Variants in TPM4 observed in about 807,000 individuals in gnomAD.
The protein encoded by TPM4 is tropomyosin alpha-4 chain.
A neutral mutation model predicts 35.8 loss-of-function variants in TPM4; 17 were observed. That is an observed-to-expected ratio of 0.47 (90% confidence interval 0.32 to 0.71). TPM4 has a LOEUF of 0.71. Ranked by LOEUF, TPM4 falls within the 30% of genes least tolerant of loss-of-function variation. The pLI is 0.03. For missense variants in TPM4, 240 were observed against 320.9 expected (o/e 0.75, Z 1.93); for synonymous variants, 120 against 122.9 (o/e 0.98, Z 0.15).
intron 2 of TPM4, among the ~76,000 whole-genome samples, chr19:16,068,500 C>G (rs1412194640): frequency 6.6e-6 from 1 of 151,550 alleles, no homozygotes. Flanking sequence ...GAGCAATTCT[C>G]TGTGTGTGTG....
upstream of TPM4, chr19:16,075,739 G>A: frequency 1.7e-5 from 5 of 288,634 alleles, no homozygotes; most frequent in South Asian, 1.8e-4. Context: ...ACTGGAATGT[G>A]TGTATTTCTG....
intron 7 of TPM4, among the ~76,000 whole-genome samples, chr19:16,096,936 C>CTTTTTTTCTTTTTTTTTTTTTTT (rs2090705707): frequency 2.9e-5 from 2 of 69,050 alleles, no homozygotes; most frequent in African/African-American, 1.1e-4. Flanking sequence ...CAAGGTCACT[C>CTTTTTTTCTTTTTTTTTTTTTTT]TTTTTTTTTT....
chr19:16,094,362 C>T (rs978895920), intron 7 of TPM4, among the ~76,000 whole-genome samples: 2 of 151,788 alleles, frequency 1.3e-5, no homozygotes, highest in Admixed American at 1.3e-4. Flanking sequence ...GGTGAAACCC[C>T]GTCTCTACCA....
intron 3 of TPM4, among the ~76,000 whole-genome samples, chr19:16,086,983 T>C (rs1395445610): frequency 2.0e-5 from 3 of 152,054 alleles, no homozygotes; most frequent in Non-Finnish European, 2.9e-5. Flanking sequence ...GCTCTTTCAG[T>C]TGAAGCGCCA....
At chr19:16,079,427 C>T (rs1441770624) in intron 1 of TPM4, among the ~76,000 whole-genome samples, 2 of 152,140 alleles carry the variant, frequency 1.3e-5, no homozygotes, top group African/African-American at 4.8e-5. Flanking sequence ...AAGATCTAGG[C>T]AATTAAAAAG....
intron 5 of TPM4, among the ~76,000 whole-genome samples, chr19:16,090,622 G>T (rs536361746): frequency 6.6e-6 from 1 of 152,182 alleles, no homozygotes; most frequent in South Asian, 2.1e-4. Context: ...TCTCATCTAG[G>T]TTAGGTATTT....
chr19:16,098,795 T>A (rs1438967525), intron 7 of TPM4, among the ~76,000 whole-genome samples: 1 of 151,928 alleles, frequency 6.6e-6, no homozygotes, highest in Non-Finnish European at 1.5e-5. Flanking sequence ...CATAATAATA[T>A]TTTATTTTTA....
chr19:16,077,420 C>G (rs2090424487), intron 1 of TPM4: 1 of 152,188 alleles, frequency 6.6e-6, no homozygotes, highest in African/African-American at 2.4e-5. Context: ...AACCCACGAT[C>G]GTTTGAGCGC....
At chr19:16,081,412 T>C (rs1211187655) in intron 1 of TPM4, 1 of 211,850 alleles carries the variant, frequency 4.7e-6, no homozygotes, top group Non-Finnish European at 9.3e-6. Context: ...TTTTTTTTTT[T>C]TTGAGACGGA....
chr19:16,095,216 T>G (rs1276966940), intron 7 of TPM4: 1 of 1,013,076 alleles, frequency 9.9e-7, no homozygotes, highest in Non-Finnish European at 1.2e-6. Flanking sequence ...CCTTGCCTTC[T>G]GTCCCCTGTA....
chr19:16,068,975 G>A (rs1198426514), intron 2 of TPM4, among the ~76,000 whole-genome samples: 1 of 152,154 alleles, frequency 6.6e-6, no homozygotes, highest in Non-Finnish European at 1.5e-5. Flanking sequence ...GTGTGGGTGT[G>A]TTTGTGAGCC....
upstream of TPM4, among the ~76,000 whole-genome samples, chr19:16,072,439 G>C (rs2090364469): frequency 6.6e-6 from 1 of 152,272 alleles, no homozygotes; most frequent in Non-Finnish European, 1.5e-5. Context: ...TGCCCTCCCA[G>C]TGAAAAGTAG....
At chr19:16,096,430 C>T (rs1245090693) in intron 7 of TPM4, among the ~76,000 whole-genome samples, 1 of 152,188 alleles carries the variant, frequency 6.6e-6, no homozygotes, top group Non-Finnish European at 1.5e-5. Flanking sequence ...ACCGCTTAGG[C>T]AGCTTAAGAG....
upstream of TPM4, among the ~76,000 whole-genome samples, chr19:16,073,963 C>CAAAAAAAAAA (rs34116610): frequency 1.4e-5 from 1 of 71,886 alleles, no homozygotes; most frequent in Non-Finnish European, 2.5e-5. Context: ...AAAAAAAACG[C>CAAAAAAAAAA]AAAAAAAAAA....
At chr19:16,081,743 C>T (rs553016100) in intron 1 of TPM4, 170 bp from the exon 2 acceptor site, 12 of 836,090 alleles carry the variant, frequency 1.4e-5, no homozygotes, top group South Asian at 3.4e-5. Flanking sequence ...AGACATTTTC[C>T]GGGAAGATCA....
upstream of TPM4, chr19:16,076,075 A>C (rs1453577773): frequency 6.2e-7 from 1 of 1,607,424 alleles, no homozygotes; most frequent in Non-Finnish European, 8.5e-7. Context: ...CACCTCCAGA[A>C]GAAACTAAAA....
chr19:16,092,613 A>G (rs2090642122), intron 5 of TPM4, among the ~76,000 whole-genome samples: 1 of 150,064 alleles, frequency 6.7e-6, no homozygotes, highest in Non-Finnish European at 1.5e-5. Context: ...TGGCCTCACT[A>G]CAGCCTCCAC....
intron 7 of TPM4, chr19:16,095,673 A>ACT: frequency 1.1e-6 from 1 of 885,038 alleles, no homozygotes; most frequent in Non-Finnish European, 1.4e-6. Flanking sequence ...TTTTCTGAAG[A>ACT]CGTGAAAACA....
intron 2 of TPM4, among the ~76,000 whole-genome samples, chr19:16,069,438 TGA>T (rs1341082615): frequency 2.0e-5 from 3 of 146,880 alleles, no homozygotes; most frequent in South Asian, 2.2e-4. Context: ...TGTGTGTGAA[TGA>T]GTGTGTGTTT....
Sources: gnomAD v4.1 joint callset for allele counts (sites outside exome capture counted in the v4.1 genomes callset) on GRCh38, gnomAD v4.1.1 for gene constraint, MANE v1.5 for transcripts, NCBI Gene and HGNC (gene_info 2026-07-23, HGNC 2026-07-21) for gene names.